Variants in PAX2 observed in about 807,000 individuals in gnomAD.
The protein encoded by PAX2 is paired box 2.
A neutral mutation model predicts 41.7 loss-of-function variants in PAX2; 9 were observed. The ratio of observed to expected loss-of-function variants is 0.22; its 90% CI spans 0.13 to 0.38. The LOEUF (loss-of-function observed/expected upper bound fraction) is 0.38, where lower values mean the gene tolerates loss of function less well. Ranked by LOEUF, PAX2 falls within the 10% of genes least tolerant of loss-of-function variation. The pLI, the probability that PAX2 is intolerant of heterozygous loss-of-function variation, is 1.00. For missense variants in PAX2, 418 were observed against 531.6 expected, an observed-to-expected ratio of 0.79 and a Z score of 2.10; for synonymous variants, 221 against 212.7, an observed-to-expected ratio of 1.04 and a Z score of -0.34.
chr10:100,819,259 AG>A (rs1354523079), intron 7 of PAX2, among the ~76,000 whole-genome samples: 23 of 144,800 alleles, frequency 1.6e-4, no homozygotes, highest in Admixed American at 3.4e-4. Flanking sequence ...AAAAAAAAAA[AG>A]GGGGGGGAGT....
chr10:100,752,001 G>C (rs142440474), intron 3 of PAX2, among the ~76,000 whole-genome samples: 1 of 152,150 alleles, frequency 6.6e-6, no homozygotes, highest in East Asian at 1.9e-4. Flanking sequence ...TCTGAAATTG[G>C]CATCACATAT....
chr10:100,773,189 G>A (rs746098945), intron 3 of PAX2, among the ~76,000 whole-genome samples: 5 of 152,216 alleles, frequency 3.3e-5, no homozygotes, highest in Non-Finnish European at 7.3e-5. Context: ...TGTGCAAAAT[G>A]CGTTGTTGTA....
At chr10:100,818,499 TA>T (rs1472915096) in intron 7 of PAX2, among the ~76,000 whole-genome samples, 3 of 152,256 alleles carry the variant, frequency 2.0e-5, no homozygotes, top group Admixed American at 1.3e-4. Context: ...TTCACTTTTT[TA>T]TAAACAGTGC....
chr10:100,801,473 C>A (rs1847561514), intron 5 of PAX2, among the ~76,000 whole-genome samples: 1 of 152,200 alleles, frequency 6.6e-6, no homozygotes, highest in South Asian at 2.1e-4. Flanking sequence ...TCCAAAAAGA[C>A]CTGTAGTAGC....
At chr10:100,811,125 G>C (rs1477275652) in intron 7 of PAX2, among the ~76,000 whole-genome samples, 1 of 152,132 alleles carries the variant, frequency 6.6e-6, no homozygotes, top group Non-Finnish European at 1.5e-5. Context: ...AGAGACAAGT[G>C]TGTGGAGAGG....
intron 1 of PAX2, among the ~76,000 whole-genome samples, chr10:100,736,167 G>T (rs1038653045): frequency 4.6e-5 from 7 of 152,086 alleles, no homozygotes; most frequent in East Asian, 1.9e-4. Flanking sequence ...CTGTGTGTAG[G>T]GTCTTATGTA....
chr10:100,797,405 C>T (rs1299603623), intron 5 of PAX2, among the ~76,000 whole-genome samples: 1 of 152,166 alleles, frequency 6.6e-6, no homozygotes, highest in Non-Finnish European at 1.5e-5. Context: ...ATCTGTGAGG[C>T]GTGTAACCTT....
chr10:100,808,378 A>G (rs746734678), intron 6 of PAX2, among the ~76,000 whole-genome samples: 6 of 152,236 alleles, frequency 3.9e-5, no homozygotes, highest in Non-Finnish European at 8.8e-5. Context: ...CAGACCCGAA[A>G]GAGCAGGAAA....
chr10:100,787,899 G>A (rs1279324236), intron 5 of PAX2, among the ~76,000 whole-genome samples: 1 of 151,964 alleles, frequency 6.6e-6, no homozygotes, highest in Non-Finnish European at 1.5e-5. Flanking sequence ...CTGTTGTGTT[G>A]TTATTGCAAA....
intron 5 of PAX2, among the ~76,000 whole-genome samples, chr10:100,793,858 C>A (rs1223338424): frequency 6.6e-6 from 1 of 152,186 alleles, no homozygotes; most frequent in Non-Finnish European, 1.5e-5. Context: ...ATGAGAGGAG[C>A]AGAGAACCGG....
At chr10:100,815,428 A>G (rs1848156070) in intron 7 of PAX2, among the ~76,000 whole-genome samples, 1 of 152,146 alleles carries the variant, frequency 6.6e-6, no homozygotes, top group South Asian at 2.1e-4. Context: ...AGGCCAAAGC[A>G]AGCCAGAGGG....
intron 7 of PAX2, among the ~76,000 whole-genome samples, chr10:100,818,255 A>G (rs749178120): frequency 3.9e-5 from 6 of 152,212 alleles, no homozygotes; most frequent in Non-Finnish European, 7.3e-5. Context: ...CTTTTGCTAT[A>G]TAAATCTATG....
chr10:100,747,639 T>C, intron 1 of PAX2: 5 of 984,884 alleles, frequency 5.1e-6, no homozygotes, highest in Non-Finnish European at 6.0e-6. Context: ...TGTTTTTCGC[T>C]AATCATATAT....
intron 3 of PAX2, among the ~76,000 whole-genome samples, chr10:100,766,212 G>A (rs1365451833): frequency 1.3e-5 from 2 of 152,200 alleles, no homozygotes; most frequent in African/African-American, 4.8e-5. Context: ...CAAGGGAAGT[G>A]CAGGCACAGG....
At position 100,772,253 on chromosome 10, in the gene PAX2, G is replaced by C. The variant is rs966539747; in HGVS notation, c.411-7245G>C. Among the ~76,000 whole-genome samples, 12 of 151,988 alleles carry C rather than the reference G, an allele frequency of 7.9e-5. No homozygotes were observed. The East Asian group carries it at 2.1e-3, about 27-fold the overall frequency. ...ACTTCACCACTGCAATCGTGGGTTT[G>C]AGAGATTCTCCCACCTCAGCCTCCC... On this transcript the variant is annotated intron_variant, in intron 3 of 9. Transcript: ENST00000355243.
chr10:100,785,609 T>G (rs978693412), intron 5 of PAX2, among the ~76,000 whole-genome samples: 1 of 152,202 alleles, frequency 6.6e-6, no homozygotes, highest in African/African-American at 2.4e-5. Context: ...ATTTCCTTAG[T>G]TAGCTACCAT....
Position 100,748,689 on chromosome 10 carries a change from C to A in PAX2, c.44-1057C>A. ...CAGGCCTGGCACCCAGTGGCCGCCT[C>A]GGTTCCGAGATCGGGAGCCCGCGCT... On this transcript the variant is annotated intron_variant, in intron 1 of 9. Transcript: ENST00000355243. This position sits in a 1 kb window ranked among gnomAD's most constrained non-coding sequence, Gnocchi z 5.0. 4.1e-6 allele frequency: 4 copies of A among 985,426 alleles called. No homozygotes were observed. Among genetic ancestry groups the A allele is most frequent in the Non-Finnish European group, 4.8e-6 (4 of 829,924 alleles). The allele number at this position is 985,426 out of a possible 1,614,324, so 61.0% of individuals were successfully genotyped here. A position where few individuals can be genotyped will look rare whatever the true frequency, so the allele number is the denominator to read the frequency against.
chr10:100,749,640 C>T (rs1845357764), intron 1 of PAX2, 106 bp from the exon 2 acceptor site: 1 of 1,515,060 alleles, frequency 6.6e-7, no homozygotes, highest in Admixed American at 2.1e-5. Context: ...GGAACATGCC[C>T]TTCCGCCCTG....
At chr10:100,749,494 C>G in intron 1 of PAX2, 1 of 1,327,448 alleles carries the variant, frequency 7.5e-7, no homozygotes, top group African/African-American at 1.5e-5. Context: ...CCAGTCCCCC[C>G]TTTGCTTTCT....
Sources: allele counts gnomAD v4.1 joint callset (sites outside exome capture counted in the v4.1 genomes callset), GRCh38; gene constraint gnomAD v4.1.1; non-coding constraint Gnocchi (gnomAD v3.1); transcripts MANE v1.5; gene names NCBI Gene and HGNC (gene_info 2026-07-23, HGNC 2026-07-21).